The following PDE8B variants were observed in gnomAD, a reference collection of about 807,000 sequenced individuals.
The protein encoded by PDE8B is phosphodiesterase 8B.
Under a neutral mutation model 101.3 loss-of-function variants are expected in PDE8B, and 26 were observed. The observed-to-expected ratio is 0.26, with a 90% CI of 0.19 to 0.36. PDE8B has a LOEUF of 0.36. PDE8B is among the 10% of genes least tolerant of loss of function. The pLI, the probability that PDE8B is intolerant of heterozygous loss-of-function variation, is 1.00. For synonymous variants in PDE8B, 424 were observed against 429.3 expected (o/e 0.99, Z 0.15); for missense variants, 810 against 1,163.1 (o/e 0.70, Z 4.42).
At chr5:77,212,588 AG>A (rs1196573047) in intron 1 of PDE8B, among the ~76,000 whole-genome samples, 1 of 152,224 alleles carries the variant, frequency 6.6e-6, no homozygotes, top group African/African-American at 2.4e-5. Context: ...ATGTGCCAGG[AG>A]TAAGCTTTCT....
Position 77,280,025 on chromosome 5 carries a change from G to A in PDE8B, c.340-31969G>A, listed in dbSNP as rs575402810. Among the ~76,000 whole-genome samples, 5 of 152,262 alleles carry A rather than the reference G, an allele frequency of 3.3e-5. No homozygotes were observed. The South Asian group carries it at 6.2e-4, about 19-fold the overall frequency. On this transcript the variant is annotated intron_variant, in intron 1 of 21. Transcript: ENST00000264917. The stretch of plus-strand genomic sequence containing the variant: ...CCACCTGGGCCAGCTTTATCCTGAC[G>A]CCCAGCATACACCCCACCTCTGGGT...
chr5:77,380,325 A>G (rs1787208504), intron 10 of PDE8B, among the ~76,000 whole-genome samples: 1 of 152,208 alleles, frequency 6.6e-6, no homozygotes, highest in Admixed American at 6.5e-5. Context: ...GTACCATTCC[A>G]TTGAATACAA....
chr5:77,194,447 G>A, the PDE8B span, among the ~76,000 whole-genome samples: 1 of 152,128 alleles, frequency 6.6e-6, no homozygotes, highest in Admixed American at 6.5e-5. Flanking sequence ...CCCATAACAT[G>A]AAATTCAGAT....
the PDE8B span, chr5:77,105,927 A>G: frequency 6.6e-6 from 1 of 152,190 alleles, no homozygotes; most frequent in African/African-American, 2.4e-5. Context: ...CTAATGGCTA[A>G]TGAGGTTGGG....
chr5:77,168,288 G>T, the PDE8B span, among the ~76,000 whole-genome samples: 2 of 152,234 alleles, frequency 1.3e-5, no homozygotes, highest in African/African-American at 4.8e-5. Context: ...GCATCCAGTT[G>T]CCTGCTCTTC....
chr5:77,282,770 C>T (rs1765276191), intron 1 of PDE8B, among the ~76,000 whole-genome samples: 1 of 152,070 alleles, frequency 6.6e-6, no homozygotes, highest in African/African-American at 2.4e-5. Context: ...ATCTAGAACT[C>T]TCTGTAGTGG....
At chr5:77,191,658 A>G in the PDE8B span, among the ~76,000 whole-genome samples, 1 of 152,136 alleles carries the variant, frequency 6.6e-6, no homozygotes, top group Non-Finnish European at 1.5e-5. Flanking sequence ...CGGCCAAAAC[A>G]TATACCTTTT....
At chr5:77,188,980 T>A in the PDE8B span, among the ~76,000 whole-genome samples, 1 of 152,190 alleles carries the variant, frequency 6.6e-6, no homozygotes, top group African/African-American at 2.4e-5. Context: ...AGATGGCCTC[T>A]TGCTTTGGCC....
chr5:77,117,542 T>A, the PDE8B span, among the ~76,000 whole-genome samples: 1 of 151,210 alleles, frequency 6.6e-6, no homozygotes, highest in East Asian at 1.9e-4. Flanking sequence ...GGGTAAGGAG[T>A]GGAGAGGTGT....
chr5:77,098,282 CTT>C, the PDE8B span, among the ~76,000 whole-genome samples: 53 of 141,068 alleles, frequency 3.8e-4, no homozygotes, highest in Admixed American at 1.1e-3. Context: ...CCACCTTCCT[CTT>C]TTTTTTTTTA....
chr5:77,416,243 T>A (rs1795534394), intron 17 of PDE8B, among the ~76,000 whole-genome samples: 1 of 152,194 alleles, frequency 6.6e-6, no homozygotes. Flanking sequence ...CTAGTGCTAT[T>A]TATGTTTTCT....
the PDE8B span, among the ~76,000 whole-genome samples, chr5:77,203,336 T>C: frequency 1.3e-5 from 2 of 152,234 alleles, no homozygotes; most frequent in African/African-American, 4.8e-5. Context: ...TCTTTCTCTC[T>C]GGGCTTGGAT....
the PDE8B span, among the ~76,000 whole-genome samples, chr5:77,125,568 G>A: frequency 6.6e-6 from 1 of 152,166 alleles, no homozygotes; most frequent in Non-Finnish European, 1.5e-5. Context: ...CAATTCAAAT[G>A]TCAAAACAGA....
intron 10 of PDE8B, among the ~76,000 whole-genome samples, chr5:77,399,343 G>A (rs1022840199): frequency 7.2e-5 from 11 of 152,226 alleles, no homozygotes; most frequent in Non-Finnish European, 1.5e-4. Context: ...TTTGGCCTCC[G>A]CAGACAGGGT....
intron 10 of PDE8B, among the ~76,000 whole-genome samples, chr5:77,389,485 C>T (rs2150902843): frequency 6.6e-6 from 1 of 151,948 alleles, no homozygotes; most frequent in South Asian, 2.1e-4. Flanking sequence ...GGCGATCTCT[C>T]TGGAAGCTGC....
chr5:77,297,191 T>A (rs192292984), intron 1 of PDE8B, among the ~76,000 whole-genome samples: 2 of 152,304 alleles, frequency 1.3e-5, no homozygotes. Flanking sequence ...ACTCTCAAGA[T>A]AACAGCATTA....
chr5:77,095,993 A>G, the PDE8B span, among the ~76,000 whole-genome samples: 88 of 152,188 alleles, frequency 5.8e-4, no homozygotes, highest in African/African-American at 2.0e-3. Context: ...TTTTTTCATG[A>G]TACACATTTT....
At chr5:77,232,726 G>A (rs1424987040) in intron 1 of PDE8B, among the ~76,000 whole-genome samples, 3 of 152,142 alleles carry the variant, frequency 2.0e-5, no homozygotes, top group African/African-American at 7.2e-5. Context: ...GGATACCCGT[G>A]GGGTTGCTAG....
chr5:77,368,491 A>G (rs577076378), intron 10 of PDE8B, among the ~76,000 whole-genome samples: 1 of 152,182 alleles, frequency 6.6e-6, no homozygotes, highest in Non-Finnish European at 1.5e-5. Flanking sequence ...GGTCCCTCTC[A>G]TGGAATGTTC....
Sources: allele counts gnomAD v4.1 joint callset (sites outside exome capture counted in the v4.1 genomes callset), GRCh38; gene constraint gnomAD v4.1.1; transcripts MANE v1.5; gene names NCBI Gene and HGNC (gene_info 2026-07-23, HGNC 2026-07-21).